Variants in SLC37A1 observed in about 807,000 individuals in gnomAD.
SLC37A1 encodes the protein solute carrier family 37 member 1, also known as glucose-6-phosphate exchanger SLC37A1.
Under a neutral mutation model 75.3 loss-of-function variants are expected in SLC37A1, and 49 were observed. That is an observed-to-expected ratio of 0.65 (90% confidence interval 0.52 to 0.83). The LOEUF is 0.83. SLC37A1 is among the 40% of genes least tolerant of loss of function. The pLI is 0.00. For synonymous variants in SLC37A1, 268 were observed against 292.1 expected (o/e 0.92, Z 0.84); for missense variants, 566 against 695.0 (o/e 0.81, Z 2.09).
chr21:42,554,761 C>T (rs932333774), intron 10 of SLC37A1, among the ~76,000 whole-genome samples: 4 of 152,172 alleles, frequency 2.6e-5, no homozygotes, highest in Admixed American at 1.3e-4. Flanking sequence ...TTGTCATCCG[C>T]GGTAGCAGGG....
At chr21:42,515,979 G>A (rs893188588) in intron 1 of SLC37A1, among the ~76,000 whole-genome samples, 2 of 152,202 alleles carry the variant, frequency 1.3e-5, no homozygotes, top group African/African-American at 2.4e-5. Flanking sequence ...TGCTGGTCTC[G>A]AACTCCTGGC....
At chr21:42,563,120 C>T (rs1316646642) in intron 12 of SLC37A1, among the ~76,000 whole-genome samples, 2 of 152,162 alleles carry the variant, frequency 1.3e-5, no homozygotes, top group Admixed American at 6.5e-5. Flanking sequence ...CCCTTGGATC[C>T]TGAGGTTCCT....
intron 1 of SLC37A1, 101 bp from the exon 2 acceptor site, chr21:42,518,176 C>G: frequency 2.2e-6 from 1 of 462,692 alleles, no homozygotes; most frequent in South Asian, 2.0e-5. Flanking sequence ...TTGATCAGGA[C>G]TGGGTACTGC....
chr21:42,542,981 C>T (rs1374015345), intron 7 of SLC37A1, among the ~76,000 whole-genome samples: 3 of 152,198 alleles, frequency 2.0e-5, no homozygotes, highest in Admixed American at 1.3e-4. Flanking sequence ...TTATGGTGGA[C>T]GATCGCAAAC....
intron 2 of SLC37A1, among the ~76,000 whole-genome samples, chr21:42,519,564 C>G (rs887652403): frequency 7.9e-5 from 12 of 152,184 alleles, no homozygotes; most frequent in African/African-American, 2.9e-4. Context: ...GCCTTCTGCT[C>G]AAAATGATTT....
At chr21:42,566,853 A>C in intron 15 of SLC37A1, 132 bp from the exon 16 acceptor site, 1 of 843,154 alleles carries the variant, frequency 1.2e-6, no homozygotes, top group South Asian at 1.6e-5. Flanking sequence ...TCCTCACTAG[A>C]CAAGTTTAGA....
chr21:42,571,420 C>G (rs908653838), intron 17 of SLC37A1, among the ~76,000 whole-genome samples: 1 of 152,214 alleles, frequency 6.6e-6, no homozygotes, highest in East Asian at 1.9e-4. Flanking sequence ...AAATAGGGCA[C>G]TGCATTTTTC....
intron 8 of SLC37A1, 91 bp downstream of exon 8, chr21:42,543,693 G>A (rs1473260782): frequency 1.1e-5 from 15 of 1,338,590 alleles, no homozygotes; most frequent in East Asian, 7.1e-5. Context: ...TGAGAGCTGC[G>A]TGGCCTAGCG....
intron 17 of SLC37A1, among the ~76,000 whole-genome samples, chr21:42,568,888 G>A (rs2056050860): frequency 6.6e-6 from 1 of 152,268 alleles, no homozygotes; most frequent in Admixed American, 6.5e-5. Flanking sequence ...GAATAAGCAA[G>A]CCATCCCCTT....
chr21:42,575,780 T>G, intron 18 of SLC37A1: 2 of 985,416 alleles, frequency 2.0e-6, no homozygotes, highest in Non-Finnish European at 2.4e-6. Flanking sequence ...ATTCTAAAAC[T>G]CAACTTCCCC....
intron 3 of SLC37A1, among the ~76,000 whole-genome samples, chr21:42,529,336 G>A (rs925961134): frequency 2.0e-5 from 3 of 152,104 alleles, no homozygotes; most frequent in Non-Finnish European, 4.4e-5. Context: ...TTGGGAGGCC[G>A]AGGCAGGTGG....
intron 3 of SLC37A1, among the ~76,000 whole-genome samples, chr21:42,526,836 T>C (rs941560129): frequency 2.0e-4 from 31 of 152,200 alleles, no homozygotes; most frequent in African/African-American, 7.2e-4. Context: ...TTTGAAAATG[T>C]GGTTTTTAAG....
chr21:42,519,605 T>G (rs2054595972), intron 2 of SLC37A1, among the ~76,000 whole-genome samples: 1 of 152,188 alleles, frequency 6.6e-6, no homozygotes, highest in African/African-American at 2.4e-5. Flanking sequence ...CTGGGCCCAT[T>G]CATCTCCTCC....
chr21:42,535,724 G>T (rs990476272), intron 5 of SLC37A1, among the ~76,000 whole-genome samples, 174 bp downstream of exon 5: 3 of 152,206 alleles, frequency 2.0e-5, no homozygotes, highest in African/African-American at 4.8e-5. Context: ...GAGCAAGTGC[G>T]TGTGCTGTGC....
chr21:42,550,923 T>C (rs530212573), intron 9 of SLC37A1, among the ~76,000 whole-genome samples: 26 of 152,338 alleles, frequency 1.7e-4, no homozygotes, highest in African/African-American at 6.3e-4. Context: ...GCAACTTCCT[T>C]GACCTGACAA....
upstream of SLC37A1, among the ~76,000 whole-genome samples, chr21:42,509,834 TCTCTAATAGTGTTTAATG>T: frequency 6.6e-6 from 1 of 152,334 alleles, no homozygotes; most frequent in African/African-American, 2.4e-5. This position sits in a 1 kb window ranked among gnomAD's most constrained non-coding sequence, Gnocchi z 4.2. Flanking sequence ...CTTTTCTTTC[TCTCTAATAGTGTTTAATG>T]CTCTAATGCT....
intron 5 of SLC37A1, among the ~76,000 whole-genome samples, chr21:42,537,010 G>T (rs373198218): frequency 5.6e-4 from 86 of 152,304 alleles, no homozygotes; most frequent in African/African-American, 1.9e-3. Flanking sequence ...ACCGCCTGGA[G>T]AAACCCAGGG....
At chr21:42,546,451 C>T (rs566881346) in intron 8 of SLC37A1, among the ~76,000 whole-genome samples, 62 of 152,340 alleles carry the variant, frequency 4.1e-4, no homozygotes, top group Admixed American at 1.4e-3. Flanking sequence ...CCCTGATGTG[C>T]TTTTCCTGGT....
rs1193466182 is a variant in SLC37A1 at position 42,548,288 on chromosome 21, C to A, written c.768+1148C>A. Among the ~76,000 whole-genome samples, 1 of 152,182 alleles carries A rather than the reference C, an allele frequency of 6.6e-6. No homozygotes were observed. Reference sequence around the variant, plus strand: ...TGAGCTCCGCAATCTGAGGTCTCACCACCACTCAACCTTCCCACGGAGATG... The same window carrying A: ...TGAGCTCCGCAATCTGAGGTCTCACAACCACTCAACCTTCCCACGGAGATG... On this transcript the variant is annotated intron_variant, in intron 9 of 19. Transcript: ENST00000352133. The surrounding 1 kb of genome is among the most constrained non-coding windows in gnomAD (Gnocchi z 5.6).
Sources: allele counts gnomAD v4.1 joint callset (sites outside exome capture counted in the v4.1 genomes callset), GRCh38; gene constraint gnomAD v4.1.1; non-coding constraint Gnocchi (gnomAD v3.1); transcripts MANE v1.5; gene names NCBI Gene and HGNC (gene_info 2026-07-23, HGNC 2026-07-21).